The following KCNB2 variants were observed in gnomAD, a reference collection of about 807,000 sequenced individuals.
KCNB2 encodes the protein potassium voltage-gated channel subfamily B member 2, also known as delayed rectifier potassium channel protein.
Under a neutral mutation model 61.5 loss-of-function variants are expected in KCNB2, and 15 were observed. The observed-to-expected ratio is 0.24, with a 90% confidence interval of 0.16 to 0.38. The LOEUF (loss-of-function observed/expected upper bound fraction) is 0.38. Among genes scored for constraint, KCNB2 ranks in the 10% least tolerant of loss-of-function variants. The pLI is 1.00. For synonymous variants in KCNB2, 457 were observed against 446.0 expected (o/e 1.02, Z -0.31); for missense variants, 828 against 1,125.2 (o/e 0.74, Z 3.78).
At chr8:72,719,494 C>A (rs998076501) in intron 2 of KCNB2, among the ~76,000 whole-genome samples, 4 of 152,058 alleles carry the variant, frequency 2.6e-5, no homozygotes, top group African/African-American at 9.7e-5. Flanking sequence ...AAATAGATTT[C>A]TTTAGCAATT....
chr8:72,567,608 T>C (rs1806643352), intron 1 of KCNB2, 34 bp from the exon 2 acceptor site: 1 of 659,120 alleles, frequency 1.5e-6, no homozygotes, highest in African/African-American at 1.8e-5. Context: ...TCTAGGAAAA[T>C]GCAAGTAACC....
intron 2 of KCNB2, among the ~76,000 whole-genome samples, chr8:72,626,224 C>T (rs576949426): frequency 2.0e-5 from 3 of 152,266 alleles, no homozygotes; most frequent in Admixed American, 6.5e-5. Flanking sequence ...CCCAGGTACA[C>T]GGGCCACAGA....
At chr8:72,693,836 C>G (rs1806977384) in intron 2 of KCNB2, among the ~76,000 whole-genome samples, 2 of 152,138 alleles carry the variant, frequency 1.3e-5, no homozygotes, top group Non-Finnish European at 2.9e-5. Flanking sequence ...AACTATCAAC[C>G]CTGCTTATCT....
intron 2 of KCNB2, among the ~76,000 whole-genome samples, chr8:72,598,136 A>G (rs1807229593): frequency 7.2e-6 from 1 of 138,048 alleles, no homozygotes; most frequent in Non-Finnish European, 1.6e-5. Context: ...AGCCTGGCAG[A>G]GACACAACAA....
intron 2 of KCNB2, among the ~76,000 whole-genome samples, chr8:72,664,586 CT>C (rs1213539309): frequency 6.6e-6 from 1 of 152,170 alleles, no homozygotes; most frequent in Admixed American, 6.5e-5. Context: ...AAAGACTTCC[CT>C]TTCTGATTTG....
At chr8:72,549,241 A>G (rs1806307565) in intron 1 of KCNB2, among the ~76,000 whole-genome samples, 1 of 152,164 alleles carries the variant, frequency 6.6e-6, no homozygotes, top group Admixed American at 6.5e-5. Context: ...GGGCAATGCC[A>G]CATAATTAGA....
At chr8:72,794,531 C>A (rs752976054) in intron 2 of KCNB2, among the ~76,000 whole-genome samples, 31 of 140,484 alleles carry the variant, frequency 2.2e-4, no homozygotes, top group Non-Finnish European at 3.6e-4. Context: ...CGCCACTGCA[C>A]TCCAGCCTGG....
chr8:72,663,017 C>G (rs142978905), intron 2 of KCNB2, among the ~76,000 whole-genome samples: 75 of 152,264 alleles, frequency 4.9e-4, no homozygotes, highest in Non-Finnish European at 9.6e-4. Flanking sequence ...CTCCTCCCTA[C>G]CATGGAGGCT....
rs184616732 is a variant in KCNB2, at chr8:72,675,803, C to T, written c.579+107490C>T. 6.3e-3 allele frequency among the ~76,000 whole-genome samples: 961 copies of T among 152,260 alleles called. 7 individuals are homozygous for T. Among genetic ancestry groups the T allele is most frequent in the African/African-American group, 0.021 (878 of 41,548 alleles). ...TCCTGACCTCGTGATCCTCCCGCCT[C>T]GGCCTCCCAAAGTGCTGGGATTACA... On this transcript the variant is annotated intron_variant, in intron 2 of 2. Coordinates refer to ENST00000523207, the MANE Select transcript of KCNB2 (RefSeq NM_004770.3).
At chr8:72,676,569 TTC>T (rs1167285077) in intron 2 of KCNB2, among the ~76,000 whole-genome samples, 1 of 151,244 alleles carries the variant, frequency 6.6e-6, no homozygotes, top group African/African-American at 2.4e-5. Flanking sequence ...TAGATTGTAT[TTC>T]CAGTTAGAAC....
chr8:72,881,829 G>A (rs1263558714), intron 2 of KCNB2: 5 of 151,912 alleles, frequency 3.3e-5, no homozygotes, highest in Non-Finnish European at 4.4e-5. Flanking sequence ...CAAGCAGGGG[G>A]AGGTCCTAGC....
chr8:72,838,271 C>G (rs374084368), intron 2 of KCNB2, among the ~76,000 whole-genome samples: 1 of 152,164 alleles, frequency 6.6e-6, no homozygotes, highest in Non-Finnish European at 1.5e-5. Context: ...CCCAGCCCCC[C>G]ACCAGCCGAC....
rs535555148 is a variant in KCNB2 at position 72,900,002 on chromosome 8, T to TCAAAA, written c.580-35917_580-35913dup. The stretch of plus-strand genomic sequence containing the variant: ...TTGGGCAACATAGTGAGACCCCATC[T>TCAAAA]CAAAACAAAACAAAACAAAAACAGC... On this transcript the variant is annotated intron_variant, in intron 2 of 2. Coordinates refer to ENST00000523207, the MANE Select transcript of KCNB2 (RefSeq NM_004770.3). 2.1e-3 allele frequency among the ~76,000 whole-genome samples: 316 copies of TCAAAA among 151,996 alleles called. 3 individuals are homozygous for TCAAAA. Among genetic ancestry groups the TCAAAA allele is most frequent in the East Asian group, 0.014 (72 of 5,150 alleles).
chr8:72,617,398 G>A (rs1290347996), intron 2 of KCNB2, among the ~76,000 whole-genome samples: 1 of 152,142 alleles, frequency 6.6e-6, no homozygotes, highest in Non-Finnish European at 1.5e-5. Context: ...AGAGAACATT[G>A]TTTTAGAAAG....
intron 2 of KCNB2, among the ~76,000 whole-genome samples, chr8:72,898,525 A>G (rs28448437): frequency 0.092 from 13,970 of 152,240 alleles, 707 homozygotes; most frequent in African/African-American, 0.13. Context: ...GGCCAAAGCA[A>G]CATTGGCTTA....
At chr8:72,689,932 G>A (rs1387750501) in intron 2 of KCNB2, among the ~76,000 whole-genome samples, 6 of 151,774 alleles carry the variant, frequency 4.0e-5, no homozygotes, top group Non-Finnish European at 8.8e-5. Context: ...TCGGTGACTA[G>A]ACTGGGGCCT....
chr8:72,681,227 T>A (rs1000137337), intron 2 of KCNB2, among the ~76,000 whole-genome samples: 3 of 151,640 alleles, frequency 2.0e-5, no homozygotes, highest in South Asian at 2.1e-4. Flanking sequence ...AACAAAAAAT[T>A]AAAAATTTTA....
rs137927323 is a variant in KCNB2 at position 72,708,371 on chromosome 8, G to A, written c.579+140058G>A. On this transcript the variant is annotated intron_variant, in intron 2 of 2. Coordinates refer to ENST00000523207, the MANE Select transcript of KCNB2 (RefSeq NM_004770.3). ...GCAATTGTTGGACAAACAGCTAAGC[G>A]CTCGTGGAGGTGAATCTGCAATTTT... Among the ~76,000 whole-genome samples, 11 of 152,302 alleles carry A rather than the reference G, an allele frequency of 7.2e-5. No individual in the cohort carries two copies. In the East Asian group the frequency reaches 1.9e-3, roughly 27 times the overall value.
intron 2 of KCNB2, among the ~76,000 whole-genome samples, chr8:72,910,272 T>C (rs1396324472): frequency 6.6e-6 from 1 of 152,196 alleles, no homozygotes; most frequent in African/African-American, 2.4e-5. Context: ...TTGGTGGCAG[T>C]GGTGGTAGTG....
Sources: allele counts gnomAD v4.1 joint callset (sites outside exome capture counted in the v4.1 genomes callset), GRCh38; gene constraint gnomAD v4.1.1; transcripts MANE v1.5; gene names NCBI Gene and HGNC (gene_info 2026-07-23, HGNC 2026-07-21).